The following PIK3C2B variants were observed in gnomAD, a reference collection of about 807,000 sequenced individuals.
PIK3C2B encodes phosphatidylinositol 4-phosphate 3-kinase C2 domain-containing subunit beta.
PIK3C2B carries 83 observed loss-of-function variants against 184.3 expected under a neutral mutation model. That is an observed-to-expected ratio of 0.45 (90% CI 0.38 to 0.54). The LOEUF (loss-of-function observed/expected upper bound fraction) is 0.54, where lower values mean the gene tolerates loss of function less well. Among genes scored for constraint, PIK3C2B ranks in the 20% least tolerant of loss-of-function variants. The pLI, the probability that PIK3C2B is intolerant of heterozygous loss-of-function variation, is 0.00. For missense variants in PIK3C2B, 1,736 were observed against 2,113.5 expected (o/e 0.82, Z 3.50); for synonymous variants, 779 against 837.6 (o/e 0.93, Z 1.21).
At chr1:204,451,531 A>C (rs181374128) in intron 12 of PIK3C2B, among the ~76,000 whole-genome samples, 1 of 152,056 alleles carries the variant, frequency 6.6e-6, no homozygotes, top group Non-Finnish European at 1.5e-5. Context: ...CCATTCAACA[A>C]CCTCATATCA....
At chr1:204,493,771 G>A (rs566565892) in intron 1 of PIK3C2B, among the ~76,000 whole-genome samples, 1 of 152,182 alleles carries the variant, frequency 6.6e-6, no homozygotes, top group Non-Finnish European at 1.5e-5. Context: ...GGCCAGGAGA[G>A]CAGCGCCTTC....
intron 1 of PIK3C2B, among the ~76,000 whole-genome samples, chr1:204,488,108 A>C (rs1657753428): frequency 6.6e-6 from 1 of 152,244 alleles, no homozygotes; most frequent in Non-Finnish European, 1.5e-5. Context: ...TGCACAGATA[A>C]GTTAAATAAC....
rs144789599 is a variant in PIK3C2B at position 204,446,648 on chromosome 1, C to T, written c.2490-504G>A. ...GGGACCAGCTGTCGGCTTTCAAGGA[C>T]CTGCAGCTAATTGGGCCTTGCCTGA... On this transcript the variant is annotated intron_variant, in intron 15 of 32. Coordinates refer to ENST00000684373, the MANE Select transcript of PIK3C2B (RefSeq NM_001377334.1). 1.8e-3 allele frequency among the ~76,000 whole-genome samples: 268 copies of T among 152,244 alleles called. No individual in the cohort carries two copies. In the Middle Eastern group the frequency reaches 0.024, roughly 14 times the overall value.
chr1:204,427,447 T>C (rs974506051), intron 31 of PIK3C2B, among the ~76,000 whole-genome samples: 1 of 152,208 alleles, frequency 6.6e-6, no homozygotes, highest in Non-Finnish European at 1.5e-5. Flanking sequence ...ATTAGGTTAC[T>C]TGTCAAAGAC....
At chr1:204,449,784 G>T in intron 13 of PIK3C2B, 66 bp downstream of exon 13, 1 of 1,433,282 alleles carries the variant, frequency 7.0e-7, no homozygotes, top group Non-Finnish European at 9.4e-7. Flanking sequence ...GCAGCAGCCA[G>T]GCCCCTTTCT....
At chr1:204,463,875 AGT>A (rs1187344321) in intron 5 of PIK3C2B, 135 bp downstream of exon 5, 1 of 883,856 alleles carries the variant, frequency 1.1e-6, no homozygotes, top group Non-Finnish European at 1.8e-6. Context: ...CGTGGCCGAG[AGT>A]GTGCCCAGAA....
intron 1 of PIK3C2B, chr1:204,490,214 G>A (rs1424945227): frequency 3.0e-6 from 1 of 335,370 alleles, no homozygotes; most frequent in Admixed American, 4.8e-5. Flanking sequence ...GGAAGAGGAA[G>A]GAGTGAATTG....
intron 1 of PIK3C2B, among the ~76,000 whole-genome samples, chr1:204,493,321 G>A (rs1239612966): frequency 6.6e-6 from 1 of 152,082 alleles, no homozygotes; most frequent in Admixed American, 6.5e-5. Flanking sequence ...AAAGAATCTG[G>A]TGCCATGCTG....
chr1:204,430,071 G>A (rs1481927746), intron 28 of PIK3C2B, 33 bp from the exon 29 acceptor site: 1 of 1,396,284 alleles, frequency 7.2e-7, no homozygotes, highest in Non-Finnish European at 1.0e-6. Flanking sequence ...GGGGATGCAG[G>A]AGGTGAAGAT....
intron 1 of PIK3C2B, among the ~76,000 whole-genome samples, chr1:204,474,816 A>G (rs539403068): frequency 6.6e-6 from 1 of 152,154 alleles, no homozygotes; most frequent in Non-Finnish European, 1.5e-5. Flanking sequence ...TCCAAAACTC[A>G]ACTATCATCT....
intron 12 of PIK3C2B, among the ~76,000 whole-genome samples, chr1:204,450,939 G>A (rs2942127): frequency 0.69 from 105,427 of 152,120 alleles, 38,680 homozygotes; most frequent in Non-Finnish European, 0.81. Flanking sequence ...TATGCCAGAG[G>A]GCGCAGAGGC....
chr1:204,480,386 T>C (rs1312202703), intron 1 of PIK3C2B, among the ~76,000 whole-genome samples: 1 of 152,116 alleles, frequency 6.6e-6, no homozygotes, highest in Non-Finnish European at 1.5e-5. Context: ...CTAAGTGACT[T>C]TGTACTGTCT....
intron 26 of PIK3C2B, among the ~76,000 whole-genome samples, 196 bp from the exon 27 acceptor site, chr1:204,432,597 G>A (rs961458084): frequency 1.3e-5 from 2 of 152,086 alleles, no homozygotes; most frequent in Non-Finnish European, 2.9e-5. Context: ...GTGAACCCCA[G>A]GGTCTTATCT....
At chr1:204,427,280 C>T (rs1674796095) in intron 31 of PIK3C2B, among the ~76,000 whole-genome samples, 2 of 152,140 alleles carry the variant, frequency 1.3e-5, no homozygotes, top group Non-Finnish European at 2.9e-5. Flanking sequence ...GGTAATGAGC[C>T]CCTTGGGCCT....
intron 8 of PIK3C2B, among the ~76,000 whole-genome samples, chr1:204,458,563 G>A (rs760410813): frequency 1.1e-4 from 16 of 149,862 alleles, no homozygotes; most frequent in East Asian, 2.0e-4. Flanking sequence ...GCGCGATCTC[G>A]GCTCACTGCA....
At chr1:204,460,248 A>G in intron 7 of PIK3C2B, 76 bp downstream of exon 7, 9 of 1,219,540 alleles carry the variant, frequency 7.4e-6, no homozygotes, top group Non-Finnish European at 1.1e-5. Context: ...CCTGACAGAA[A>G]GGCAAGCAGG....
At chr1:204,490,603 G>A (rs1040698848) in intron 1 of PIK3C2B, among the ~76,000 whole-genome samples, 17 of 152,048 alleles carry the variant, frequency 1.1e-4, no homozygotes, top group Admixed American at 4.6e-4. Flanking sequence ...GTCCTTTCCA[G>A]TTTTGATACT....
rs1032390234 is a variant in PIK3C2B, at chr1:204,423,184, T to G, written c.*1668A>C. The G allele has an allele frequency of 6.6e-6, 1 of 152,286 alleles. No homozygotes were observed. The highest frequency in any genetic ancestry group is 6.5e-5 in the Admixed American group (1 of 15,276). 9.4% of individuals were successfully genotyped at this position (152,286 alleles called of 1,614,324 possible). On this transcript the variant is annotated 3_prime_UTR_variant, in exon 33 of 33. Coordinates refer to ENST00000684373, the MANE Select transcript of PIK3C2B (RefSeq NM_001377334.1). ...TCCATCTGGGGCGGGGCATGGTGGC[T>G]CACGCCTGTAATCCCAGCACTTTGG...
chr1:204,490,278 C>T (rs1346788814), intron 1 of PIK3C2B: 2 of 218,258 alleles, frequency 9.2e-6, no homozygotes, highest in East Asian at 9.5e-5. Flanking sequence ...TACAGTGAAC[C>T]TCTCTCTTCT....
Sources: allele counts gnomAD v4.1 joint callset (sites outside exome capture counted in the v4.1 genomes callset), GRCh38; gene constraint gnomAD v4.1.1; transcripts MANE v1.5; gene names NCBI Gene and HGNC (gene_info 2026-07-23, HGNC 2026-07-21).